The following DROSHA variants were observed in gnomAD, a reference collection of about 807,000 sequenced individuals.
The protein encoded by DROSHA is drosha ribonuclease III.
DROSHA carries 56 observed loss-of-function variants against 181.9 expected under a neutral mutation model. The ratio of observed to expected loss-of-function variants is 0.31; its 90% CI spans 0.25 to 0.38. The LOEUF (loss-of-function observed/expected upper bound fraction) is 0.38, where lower values mean the gene tolerates loss of function less well. Among genes scored for constraint, DROSHA ranks in the 10% least tolerant of loss-of-function variants. The probability of loss-of-function intolerance (pLI) is 1.00; values close to 1 mark genes in which losing one functional copy is unlikely to be tolerated. For missense variants in DROSHA, 1,218 were observed against 1,743.5 expected (o/e 0.70, Z 5.37); for synonymous variants, 524 against 591.2 (o/e 0.89, Z 1.65).
rs767992870 is a variant in DROSHA, at chr5:31,526,631, G to A, written c.302C>T (p.Pro101Leu). 6 of 1,520,388 alleles carry A rather than the reference G, an allele frequency of 3.9e-6. No individual in the cohort carries two copies. The allele number at this position is 1,520,388 out of a possible 1,614,324, so 94.2% of individuals were successfully genotyped here. A position where few individuals can be genotyped will look rare whatever the true frequency, so the allele number is the denominator to read the frequency against. ...GPLPPCPIRP[P>L]FPNHQMRHPF... Reference sequence around the variant, plus strand: ...GTGCCTCATCTGGTGGTTGGGGAAAGGCGGCCTGATTGGGCAGGGGGGAAG... The same window carrying A: ...GTGCCTCATCTGGTGGTTGGGGAAAAGCGGCCTGATTGGGCAGGGGGGAAG... The change falls in exon 5 of 36, where the codon CCT becomes CTT. Residue 101 changes from proline to leucine, a missense_variant. Transcript: ENST00000344624.
chr5:31,407,492 C>T (rs943996429), intron 33 of DROSHA, among the ~76,000 whole-genome samples: 10 of 152,064 alleles, frequency 6.6e-5, no homozygotes, highest in Non-Finnish European at 1.3e-4. Context: ...GCCAAGTACA[C>T]AACACAATCG....
Position 31,475,848 on chromosome 5 carries a change from A to C in DROSHA, c.2072-3616T>G, listed in dbSNP as rs182492534. 2.9e-3 allele frequency among the ~76,000 whole-genome samples: 438 copies of C among 152,280 alleles called. 4 individuals are homozygous for C. Among genetic ancestry groups the C allele is most frequent in the African/African-American group, 0.01 (421 of 41,566 alleles). On this transcript the variant is annotated intron_variant, in intron 16 of 35. Coordinates refer to ENST00000344624, the MANE Select transcript of DROSHA (RefSeq NM_001382508.1). ...GTCCAGGTATATAAAACAGCACTAC[A>C]ATCTCCACACATACATTTACAGCTG...
rs184425635 is a variant in DROSHA, at chr5:31,446,172, C to T, written c.2882+2375G>A. Among the ~76,000 whole-genome samples the T allele has an allele frequency of 3.4e-3, 513 of 152,078 alleles. 5 individuals are homozygous for T. The highest frequency in any genetic ancestry group is 0.014 in the Middle Eastern group (4 of 290). The stretch of plus-strand genomic sequence containing the variant: ...ATTCAGAAAATAATTCCAGGCCGGG[C>T]GTGGTGGCTCACGCCTGTAATCCCA... On this transcript the variant is annotated intron_variant, in intron 23 of 35. Coordinates refer to ENST00000344624, the MANE Select transcript of DROSHA (RefSeq NM_001382508.1).
At chr5:31,506,911 A>G (rs1738039197) in intron 10 of DROSHA, among the ~76,000 whole-genome samples, 1 of 152,204 alleles carries the variant, frequency 6.6e-6, no homozygotes, top group African/African-American at 2.4e-5. Context: ...ATAACACTAA[A>G]CAGCATTAGA....
At chr5:31,453,324 C>G (rs563809034) in intron 20 of DROSHA, among the ~76,000 whole-genome samples, 7 of 152,122 alleles carry the variant, frequency 4.6e-5, no homozygotes, top group African/African-American at 1.7e-4. Flanking sequence ...GCCACCAAAC[C>G]CCAGTAGCTG....
At chr5:31,403,068 G>A (rs554675786) in intron 35 of DROSHA, among the ~76,000 whole-genome samples, 8 of 152,292 alleles carry the variant, frequency 5.3e-5, no homozygotes, top group South Asian at 2.1e-4. Flanking sequence ...CACCATGCCC[G>A]GCCCAGAGAT....
In DROSHA at chr5:31,401,133, G is replaced by C; in HGVS notation, c.*299C>G. 1 of 323,268 alleles carries C rather than the reference G, an allele frequency of 3.1e-6. No individual in the cohort carries two copies. Among genetic ancestry groups the C allele is most frequent in the East Asian group, 8.2e-5 (1 of 12,224 alleles). 20.0% of individuals were successfully genotyped at this position (323,268 alleles called of 1,614,324 possible). A position where few individuals can be genotyped will look rare whatever the true frequency, so the allele number is the denominator to read the frequency against. On this transcript the variant is annotated 3_prime_UTR_variant, in exon 36 of 36. Transcript: ENST00000344624. ...AATCTGGGACACAGATGGAAAAACA[G>C]GATCTATTCCACATAGAATATGCTT...
At chr5:31,417,962 T>C (rs1383193122) in intron 30 of DROSHA, among the ~76,000 whole-genome samples, 2 of 152,066 alleles carry the variant, frequency 1.3e-5, no homozygotes, top group African/African-American at 4.8e-5. Context: ...TCTTGAAGGA[T>C]TTCTGCCTGA....
In DROSHA at chr5:31,521,233, A is replaced by T. The variant is rs1207614931; in HGVS notation, c.855-18T>A. ...CTCGCTCTCTTAAAGGAATTAATACACAGAGCTGTTTTCAACAGAAAGACT... is the reference window on the plus strand; with the variant it reads ...CTCGCTCTCTTAAAGGAATTAATACTCAGAGCTGTTTTCAACAGAAAGACT... On this transcript the variant is annotated intron_variant, in intron 5 of 35. Coordinates refer to ENST00000344624, the MANE Select transcript of DROSHA (RefSeq NM_001382508.1). 6.2e-7 allele frequency: 1 copy of T among 1,612,542 alleles called. No homozygotes were observed. Among genetic ancestry groups the T allele is most frequent in the Non-Finnish European group, 8.5e-7 (1 of 1,178,812 alleles).
intron 35 of DROSHA, among the ~76,000 whole-genome samples, chr5:31,403,095 AAG>A (rs1740227144): frequency 6.6e-6 from 1 of 152,234 alleles, no homozygotes. Flanking sequence ...TAAACAAAAA[AAG>A]AACATGACAT....
chr5:31,520,906 T>G (rs551823977), intron 6 of DROSHA, among the ~76,000 whole-genome samples: 1 of 152,310 alleles, frequency 6.6e-6, no homozygotes, highest in South Asian at 2.1e-4. Flanking sequence ...CTGTATAATT[T>G]CTAATTTTTG....
chr5:31,449,491 C>A (rs1376915049), intron 21 of DROSHA, 72 bp from the exon 22 acceptor site: 1 of 1,498,056 alleles, frequency 6.7e-7, no homozygotes. Context: ...CGCCTGTAAT[C>A]CTAAGGTGGA....
At chr5:31,447,809 A>C (rs546995576) in intron 23 of DROSHA, among the ~76,000 whole-genome samples, 10 of 152,322 alleles carry the variant, frequency 6.6e-5, no homozygotes, top group African/African-American at 1.2e-4. Context: ...ATAATACTTC[A>C]TATTCACTAG....
chr5:31,479,124 G>C (rs1303887929), intron 16 of DROSHA, among the ~76,000 whole-genome samples: 2 of 151,834 alleles, frequency 1.3e-5, no homozygotes, highest in African/African-American at 4.8e-5. Context: ...AATGCCTGAA[G>C]TATCTGAGTT....
At chr5:31,521,046 G>T in intron 6 of DROSHA, 77 bp downstream of exon 6, 1 of 1,437,432 alleles carries the variant, frequency 7.0e-7, no homozygotes, top group Non-Finnish European at 9.7e-7. Context: ...AGACTTGGCT[G>T]TTGCTCCATA....
intron 20 of DROSHA, among the ~76,000 whole-genome samples, chr5:31,455,526 T>C (rs1252803971): frequency 6.6e-6 from 1 of 151,686 alleles, no homozygotes; most frequent in Non-Finnish European, 1.5e-5. Flanking sequence ...TGAAAAGAGC[T>C]GAGACAAGAG....
At chr5:31,423,026 G>A (rs1284393636) in intron 28 of DROSHA, 82 bp from the exon 29 acceptor site, 40 of 1,244,950 alleles carry the variant, frequency 3.2e-5, no homozygotes, top group Non-Finnish European at 4.1e-5. Context: ...ACAGTGTTTT[G>A]TAAAATTCCT....
In DROSHA at chr5:31,437,192, A is replaced by T. The variant is rs773596206; in HGVS notation, c.2942+47T>A. 2.7e-5 allele frequency: 42 copies of T among 1,527,984 alleles called. No homozygotes were observed. The African/African-American group carries it at 5.7e-4, about 21-fold the overall frequency. The allele number at this position is 1,527,984 out of a possible 1,614,324, so 94.7% of individuals were successfully genotyped here. A position where few individuals can be genotyped will look rare whatever the true frequency, so the allele number is the denominator to read the frequency against. Reference sequence around the variant, plus strand: ...GCAATGTAATAAGTATGTTACCTATAAAATGTAATTATTGAGGAATTGTAA... The same window carrying T: ...GCAATGTAATAAGTATGTTACCTATTAAATGTAATTATTGAGGAATTGTAA... On this transcript the variant is annotated intron_variant, in intron 24 of 35. Transcript: ENST00000344624.
Position 31,526,843 on chromosome 5 carries a change from T to C in DROSHA, c.90A>G (p.Ser30=), listed in dbSNP as rs1740647938. 1 of 1,613,256 alleles carries C rather than the reference T, an allele frequency of 6.2e-7. No individual in the cohort carries two copies. Among genetic ancestry groups the C allele is most frequent in the African/African-American group, 1.3e-5 (1 of 74,832 alleles). ...GATTTTGGGGCCTAAAGGATGGTGCTGAGGGTCTGGCTCCATGTCCTCCTC... is the reference window on the plus strand; with the variant it reads ...GATTTTGGGGCCTAAAGGATGGTGCCGAGGGTCTGGCTCCATGTCCTCCTC... ...RGRGGHGARP[S]APSFRPQNLR... is the part of the protein sequence containing the mutation. Residue 30 remains serine (S), a synonymous_variant, in exon 5 of 36, where the codon TCA becomes TCG. Coordinates refer to ENST00000344624, the MANE Select transcript of DROSHA (RefSeq NM_001382508.1).
Sources: allele counts gnomAD v4.1 joint callset (sites outside exome capture counted in the v4.1 genomes callset), GRCh38; gene constraint gnomAD v4.1.1; transcripts MANE v1.5; gene names NCBI Gene and HGNC (gene_info 2026-07-23, HGNC 2026-07-21).